Variants in KCNIP4 observed in about 807,000 individuals in gnomAD.
KCNIP4 encodes the protein Kv channel-interacting protein 4.
KCNIP4 carries 12 observed loss-of-function variants against 34.0 expected under a neutral mutation model. That is an observed-to-expected ratio of 0.35 (90% CI 0.23 to 0.57). The LOEUF is 0.57. KCNIP4 is among the 20% of genes least tolerant of loss of function. The probability of loss-of-function intolerance (pLI) is 0.83; values close to 1 mark genes in which losing one functional copy is unlikely to be tolerated. For missense variants in KCNIP4, 238 were observed against 311.7 expected, an observed-to-expected ratio of 0.76 and a Z score of 1.78; for synonymous variants, 124 against 102.2, an observed-to-expected ratio of 1.21 and a Z score of -1.29.
intron 1 of KCNIP4, among the ~76,000 whole-genome samples, chr4:21,567,935 G>A (rs17549122): frequency 6.6e-6 from 1 of 151,994 alleles, no homozygotes; most frequent in African/African-American, 2.4e-5. Flanking sequence ...AACGCAGAAG[G>A]GGAGCCAGAA....
intron 1 of KCNIP4, among the ~76,000 whole-genome samples, chr4:21,406,697 A>C (rs903909781): frequency 1.3e-5 from 2 of 152,218 alleles, no homozygotes; most frequent in Non-Finnish European, 1.5e-5. Context: ...TTTTTACTTG[A>C]GAGAGTAACT....
chr4:21,937,634 T>A (rs1193045717), intron 1 of KCNIP4, among the ~76,000 whole-genome samples: 2 of 152,128 alleles, frequency 1.3e-5, no homozygotes, highest in African/African-American at 4.8e-5. Flanking sequence ...ATTTCATTGT[T>A]CTTCAAAACT....
intron 1 of KCNIP4, among the ~76,000 whole-genome samples, chr4:21,287,274 C>T: frequency 6.6e-6 from 1 of 152,208 alleles, no homozygotes; most frequent in South Asian, 2.1e-4. Flanking sequence ...AAATAAGTAT[C>T]ATTTACATGA....
chr4:21,192,891 A>AC (rs1755752680), intron 1 of KCNIP4, among the ~76,000 whole-genome samples: 1 of 148,780 alleles, frequency 6.7e-6, no homozygotes, highest in Non-Finnish European at 1.5e-5. Context: ...CCCACACACC[A>AC]CCCCCCAGCC....
In KCNIP4 at chr4:21,677,004, G is replaced by T. The variant is rs760661157; in HGVS notation, c.61+271567C>A. 4.0e-5 allele frequency among the ~76,000 whole-genome samples: 6 copies of T among 148,262 alleles called. No individual in the cohort carries two copies. The South Asian group carries it at 6.3e-4, about 16-fold the overall frequency. On this transcript the variant is annotated intron_variant, in intron 1 of 8. Coordinates refer to ENST00000382152, the MANE Select transcript of KCNIP4 (RefSeq NM_025221.6). ...GTTCCAGAAAAAAAAAAAAAACATG[G>T]TGCACTAAATCTTAGCAAAGATAAT...
At chr4:21,194,989 T>G (rs1312292450) in intron 1 of KCNIP4, among the ~76,000 whole-genome samples, 1 of 152,158 alleles carries the variant, frequency 6.6e-6, no homozygotes. Context: ...GTCCTGTGAA[T>G]CCTGACCCAT....
At chr4:20,810,068 G>A (rs1715537001) in intron 3 of KCNIP4, among the ~76,000 whole-genome samples, 1 of 152,216 alleles carries the variant, frequency 6.6e-6, no homozygotes, top group Non-Finnish European at 1.5e-5. Flanking sequence ...GCACTCTGAT[G>A]TCTGTGAACG....
intron 1 of KCNIP4, among the ~76,000 whole-genome samples, chr4:21,672,473 A>T (rs1357903950): frequency 6.6e-6 from 1 of 152,200 alleles, no homozygotes; most frequent in Admixed American, 6.5e-5. Flanking sequence ...TACAGGCTGG[A>T]TCTGATATAA....
intron 2 of KCNIP4, among the ~76,000 whole-genome samples, chr4:20,863,171 C>T (rs1355064923): frequency 6.6e-6 from 1 of 152,134 alleles, no homozygotes; most frequent in Non-Finnish European, 1.5e-5. Flanking sequence ...TCAAATCAGT[C>T]TCCCTGAGCA....
chr4:21,592,032 A>T (rs16871503), intron 1 of KCNIP4, among the ~76,000 whole-genome samples: 3,647 of 152,176 alleles, frequency 0.024, 157 homozygotes, highest in African/African-American at 0.082. Flanking sequence ...GACCAAAGTG[A>T]TAGAGGGATA....
At chr4:21,583,320 A>C (rs974281924) in intron 1 of KCNIP4, among the ~76,000 whole-genome samples, 3 of 151,954 alleles carry the variant, frequency 2.0e-5, no homozygotes, top group Admixed American at 2.0e-4. Flanking sequence ...TGGATTTAGG[A>C]AGTTATTTAG....
chr4:21,710,848 T>A (rs1713668297), intron 1 of KCNIP4, among the ~76,000 whole-genome samples: 1 of 152,228 alleles, frequency 6.6e-6, no homozygotes, highest in Non-Finnish European at 1.5e-5. Flanking sequence ...TGCCCTGTAA[T>A]GTGGATCTAC....
At chr4:21,476,448 A>G (rs1730983775) in intron 1 of KCNIP4, among the ~76,000 whole-genome samples, 1 of 152,166 alleles carries the variant, frequency 6.6e-6, no homozygotes, top group South Asian at 2.1e-4. Flanking sequence ...TGGCCTCATA[A>G]GAAGAGGAAG....
At chr4:21,560,861 T>C (rs926793731) in intron 1 of KCNIP4, among the ~76,000 whole-genome samples, 1 of 151,994 alleles carries the variant, frequency 6.6e-6, no homozygotes, top group African/African-American at 2.4e-5. Flanking sequence ...TACAATACTG[T>C]GTGCTGTTTT....
chr4:21,009,498 T>A (rs947243372), intron 1 of KCNIP4, among the ~76,000 whole-genome samples: 7 of 152,306 alleles, frequency 4.6e-5, no homozygotes, highest in Admixed American at 4.6e-4. Context: ...AGGGCATATA[T>A]GTTTGATTAG....
chr4:21,237,303 A>G (rs1759438210), intron 1 of KCNIP4, among the ~76,000 whole-genome samples: 1 of 152,164 alleles, frequency 6.6e-6, no homozygotes, highest in South Asian at 2.1e-4. Context: ...ATAACGAGGG[A>G]GATGAATAAT....
chr4:21,875,543 T>C (rs566392385), intron 1 of KCNIP4, among the ~76,000 whole-genome samples: 12 of 152,264 alleles, frequency 7.9e-5, no homozygotes, highest in Middle Eastern at 3.4e-3. Flanking sequence ...GTAGAAGTGA[T>C]TTTTTTGGCA....
At chr4:20,784,724 T>G (rs1711717515) in intron 3 of KCNIP4, among the ~76,000 whole-genome samples, 1 of 152,090 alleles carries the variant, frequency 6.6e-6, no homozygotes, top group Non-Finnish European at 1.5e-5. Context: ...GATATAAAAT[T>G]GGCACAGCAT....
At chr4:20,734,038 A>G (rs1749007640) in intron 6 of KCNIP4, among the ~76,000 whole-genome samples, 1 of 152,156 alleles carries the variant, frequency 6.6e-6, no homozygotes, top group African/African-American at 2.4e-5. Flanking sequence ...AATGCCCAGG[A>G]TTTAGGGAGT....
Sources: gnomAD v4.1 joint callset for allele counts (sites outside exome capture counted in the v4.1 genomes callset) on GRCh38, gnomAD v4.1.1 for gene constraint, MANE v1.5 for transcripts, NCBI Gene and HGNC (gene_info 2026-07-23, HGNC 2026-07-21) for gene names.